Variants in GRID2 observed in about 807,000 individuals in gnomAD.
GRID2 encodes glutamate receptor ionotropic, delta-2.
Under a neutral mutation model 114.8 loss-of-function variants are expected in GRID2, and 33 were observed. The observed-to-expected ratio is 0.29, with a 90% confidence interval of 0.22 to 0.38. The LOEUF (loss-of-function observed/expected upper bound fraction) is 0.38. GRID2 is among the 10% of genes least tolerant of loss of function. The pLI, the probability that GRID2 is intolerant of heterozygous loss-of-function variation, is 1.00. For missense variants in GRID2, 1,184 were observed against 1,257.7 expected, an observed-to-expected ratio of 0.94 and a Z score of 0.89; for synonymous variants, 505 against 449.9, an observed-to-expected ratio of 1.12 and a Z score of -1.55.
Position 92,929,819 on chromosome 4 carries a change from C to G in GRID2, c.245-155176C>G, listed in dbSNP as rs558208348. On this transcript the variant is annotated intron_variant, in intron 2 of 15. Coordinates refer to ENST00000282020, the MANE Select transcript of GRID2 (RefSeq NM_001510.4). ...ATGTGTAAAATGATATTATTAATGT[C>G]TAATTTGTAGATTTTAGTTTTTAAA... Among the ~76,000 whole-genome samples, 129 of 151,236 alleles carry G rather than the reference C, an allele frequency of 8.5e-4. 1 individual carries two copies. Among genetic ancestry groups the G allele is most frequent in the African/African-American group, 2.9e-3 (119 of 41,402 alleles).
intron 8 of GRID2, among the ~76,000 whole-genome samples, chr4:93,338,146 A>AT (rs10719275): frequency 6.6e-5 from 10 of 151,658 alleles, no homozygotes; most frequent in Admixed American, 3.3e-4. Context: ...AGTGATGTGA[A>AT]TTTTTTTTTG....
chr4:92,313,830 A>G (rs183204363), intron 1 of GRID2, among the ~76,000 whole-genome samples: 1 of 152,200 alleles, frequency 6.6e-6, no homozygotes, highest in East Asian at 1.9e-4. Context: ...GTGACAAAAT[A>G]CTGATTGTAG....
intron 2 of GRID2, among the ~76,000 whole-genome samples, chr4:93,082,244 A>G (rs949423018): frequency 1.3e-5 from 2 of 152,218 alleles, no homozygotes; most frequent in Admixed American, 1.3e-4. Context: ...AAACTTGACA[A>G]TAAAACAATC....
rs188899376 is a variant in GRID2, at chr4:93,372,619, G to A, written c.1246-22988G>A. Among the ~76,000 whole-genome samples the A allele has an allele frequency of 1.4e-3, 208 of 151,968 alleles. 2 individuals are homozygous for A. Among genetic ancestry groups the A allele is most frequent in the Admixed American group, 0.011 (168 of 15,250 alleles). ...CTCCTAAATGGTTTCTGTGTCTCTA[G>A]TGTCTTGTAGACATTAGAGGCACAG... On this transcript the variant is annotated intron_variant, in intron 8 of 15. Transcript: ENST00000282020.
intron 10 of GRID2, among the ~76,000 whole-genome samples, chr4:93,429,426 C>A (rs1769184707): frequency 1.3e-5 from 2 of 151,948 alleles, no homozygotes; most frequent in Admixed American, 1.3e-4. Context: ...TTAAAAAATT[C>A]CTTTGGGGTT....
At chr4:93,487,378 A>G (rs4693325) in intron 11 of GRID2, among the ~76,000 whole-genome samples, 1 of 151,682 alleles carries the variant, frequency 6.6e-6, no homozygotes, top group Non-Finnish European at 1.5e-5. Flanking sequence ...GTAACTCAGA[A>G]TACTTTTCTT....
In GRID2 at chr4:93,668,787, C is replaced by T. The variant is rs1333638230; in HGVS notation, c.2360+42352C>T. On this transcript the variant is annotated intron_variant, in intron 14 of 15. Transcript: ENST00000282020. ...TAAAGCAGAGAGTTTTGAAGTAAAT[C>T]TTAAAGGTGCATGGGAGTGAATTTC... Among the ~76,000 whole-genome samples the T allele has an allele frequency of 2.0e-5, 3 of 152,052 alleles. No individual in the cohort carries two copies. The East Asian group carries it at 5.8e-4, about 29-fold the overall frequency.
intron 2 of GRID2, among the ~76,000 whole-genome samples, chr4:92,731,183 G>A (rs1344413279): frequency 6.6e-6 from 1 of 151,568 alleles, no homozygotes. Flanking sequence ...ATAGAATTTA[G>A]AGACTAAATA....
At chr4:92,957,864 T>C (rs1752521615) in intron 2 of GRID2, among the ~76,000 whole-genome samples, 1 of 152,072 alleles carries the variant, frequency 6.6e-6, no homozygotes, top group African/African-American at 2.4e-5. Flanking sequence ...ATAGATTCTG[T>C]GCATATTTTG....
intron 2 of GRID2, among the ~76,000 whole-genome samples, chr4:92,965,478 AAAAAAAAAAAAC>A (rs1753092786): frequency 5.9e-5 from 6 of 100,972 alleles, no homozygotes; most frequent in African/African-American, 1.9e-4. Flanking sequence ...AAAAAAAAAA[AAAAAAAAAAAAC>A]ACACAACATC....
intron 8 of GRID2, among the ~76,000 whole-genome samples, chr4:93,352,982 G>A (rs539609594): frequency 9.9e-5 from 15 of 152,086 alleles, no homozygotes; most frequent in South Asian, 8.3e-4. Context: ...GAAATAAAGC[G>A]GAGTTGTGAA....
chr4:93,794,613 A>G (rs1010844486), intron 1 of GRID2, among the ~76,000 whole-genome samples: 4 of 152,174 alleles, frequency 2.6e-5, no homozygotes, highest in Non-Finnish European at 5.9e-5. Flanking sequence ...CCTTTCTCAA[A>G]TCTGATGCCT....
chr4:92,680,433 G>T (rs905017795), intron 2 of GRID2, among the ~76,000 whole-genome samples: 1 of 151,826 alleles, frequency 6.6e-6, no homozygotes. Context: ...GTGATCACAT[G>T]TTAAGTGTGC....
chr4:92,755,831 T>C (rs532393198), intron 2 of GRID2, among the ~76,000 whole-genome samples: 1 of 152,292 alleles, frequency 6.6e-6, no homozygotes, highest in Admixed American at 6.5e-5. Flanking sequence ...TATATTTACA[T>C]GTTTTTATTG....
chr4:93,725,182 G>A (rs1050594961), intron 14 of GRID2, among the ~76,000 whole-genome samples: 1 of 151,978 alleles, frequency 6.6e-6, no homozygotes, highest in African/African-American at 2.4e-5. Context: ...CCCTTCCTGT[G>A]TCCATGTGTT....
At chr4:93,679,256 A>C (rs977414567) in intron 14 of GRID2, among the ~76,000 whole-genome samples, 24 of 151,216 alleles carry the variant, frequency 1.6e-4, no homozygotes, top group Non-Finnish European at 2.7e-4. Flanking sequence ...CACCCAATAC[A>C]GGAGCACCCA....
chr4:92,538,770 G>T lies in GRID2; in HGVS notation c.89-51361G>T, dbSNP rs553090731. Among the ~76,000 whole-genome samples, 18 of 152,212 alleles carry T rather than the reference G, an allele frequency of 1.2e-4. No homozygotes were observed. The South Asian group carries it at 3.7e-3, about 32-fold the overall frequency. ...AAATGGATACATTAATGAATGTAAGGTATTGTAATAATGGCAAGTCAGAGT... is the reference window on the plus strand; with the variant it reads ...AAATGGATACATTAATGAATGTAAGTTATTGTAATAATGGCAAGTCAGAGT... On this transcript the variant is annotated intron_variant, in intron 1 of 15. Coordinates refer to ENST00000282020, the MANE Select transcript of GRID2 (RefSeq NM_001510.4).
At chr4:92,547,021 C>T (rs573275091) in intron 1 of GRID2, among the ~76,000 whole-genome samples, 1 of 152,246 alleles carries the variant, frequency 6.6e-6, no homozygotes, top group Non-Finnish European at 1.5e-5. Flanking sequence ...AGAGCTAGAA[C>T]CCAGATCTTT....
At chr4:93,620,301 A>G (rs1341676987) in intron 13 of GRID2, among the ~76,000 whole-genome samples, 4 of 152,284 alleles carry the variant, frequency 2.6e-5, no homozygotes, top group African/African-American at 9.6e-5. Context: ...ATGTTTTTTA[A>G]TAAGAAAGGA....
Sources: gnomAD v4.1 joint callset for allele counts (sites outside exome capture counted in the v4.1 genomes callset) on GRCh38, gnomAD v4.1.1 for gene constraint, MANE v1.5 for transcripts, NCBI Gene and HGNC (gene_info 2026-07-23, HGNC 2026-07-21) for gene names.